TMEM132D: variants seen among roughly 807,000 people sequenced by gnomAD.
TMEM132D encodes transmembrane protein 132D.
In TMEM132D, 21 loss-of-function variants were observed where a neutral mutation model predicts 62.3. The observed-to-expected ratio is 0.34, with a 90% confidence interval of 0.24 to 0.49. The LOEUF (loss-of-function observed/expected upper bound fraction) is 0.49. TMEM132D is among the 20% of genes least tolerant of loss of function. The pLI, the probability that TMEM132D is intolerant of heterozygous loss-of-function variation, is 0.99. For synonymous variants in TMEM132D, 621 were observed against 575.6 expected, an observed-to-expected ratio of 1.08 and a Z score of -1.13; for missense variants, 1,346 against 1,402.8, an observed-to-expected ratio of 0.96 and a Z score of 0.65.
intron 1 of TMEM132D, among the ~76,000 whole-genome samples, chr12:129,902,042 C>T (rs930689801): frequency 1.3e-5 from 2 of 152,126 alleles, no homozygotes; most frequent in African/African-American, 2.4e-5. Flanking sequence ...AATTAGGAAA[C>T]GTGAGCCCAT....
intron 5 of TMEM132D, chr12:129,209,077 C>T (rs1878945535): frequency 6.2e-6 from 1 of 160,490 alleles, no homozygotes; most frequent in Non-Finnish European, 1.4e-5. Flanking sequence ...AGTAGTTGTA[C>T]ACCTTATACC....
chr12:129,549,371 A>C (rs1174540169), intron 2 of TMEM132D, among the ~76,000 whole-genome samples: 25 of 139,774 alleles, frequency 1.8e-4, no homozygotes, highest in East Asian at 1.1e-3. Context: ...TATAATTTCC[A>C]CGTGTTGTGG....
At chr12:129,203,752 AG>A in intron 5 of TMEM132D, among the ~76,000 whole-genome samples, 1 of 152,254 alleles carries the variant, frequency 6.6e-6, no homozygotes, top group South Asian at 2.1e-4. Context: ...CTCTAAGGAC[AG>A]GCGGGCACAA....
intron 4 of TMEM132D, among the ~76,000 whole-genome samples, chr12:129,237,414 C>G (rs1204561755): frequency 6.6e-6 from 1 of 152,048 alleles, no homozygotes; most frequent in African/African-American, 2.4e-5. Flanking sequence ...TGCTTTATTC[C>G]ATAAATTTAG....
At chr12:129,506,288 G>A (rs1875328490) in intron 3 of TMEM132D, among the ~76,000 whole-genome samples, 1 of 152,072 alleles carries the variant, frequency 6.6e-6, no homozygotes, top group African/African-American at 2.4e-5. Context: ...ATTGCCAAAA[G>A]CAATTTACAA....
intron 2 of TMEM132D, among the ~76,000 whole-genome samples, chr12:129,632,748 C>T (rs771635723): frequency 5.9e-5 from 9 of 152,208 alleles, no homozygotes; most frequent in South Asian, 2.1e-4. Flanking sequence ...GCTCCCTCTC[C>T]GCATCATCCC....
chr12:129,456,482 G>A lies in TMEM132D; in HGVS notation c.1115+74577C>T, dbSNP rs772010184. Among the ~76,000 whole-genome samples the A allele has an allele frequency of 7.2e-5, 11 of 152,170 alleles. No individual in the cohort carries two copies. The South Asian group carries it at 8.3e-4, about 12-fold the overall frequency. On this transcript the variant is annotated intron_variant, in intron 3 of 8. Coordinates refer to ENST00000422113, the MANE Select transcript of TMEM132D (RefSeq NM_133448.3). ...CAAATATCTTCACTTCTTTCTTACC[G>A]CTGACTTCCCAGTGTCTGCCAGATT...
intron 2 of TMEM132D, among the ~76,000 whole-genome samples, chr12:129,614,525 C>A (rs1252292061): frequency 6.6e-6 from 1 of 152,238 alleles, no homozygotes; most frequent in South Asian, 2.1e-4. Flanking sequence ...TCAAACAGTT[C>A]TGTCTGGAGT....
At chr12:129,456,669 C>A (rs1317847230) in intron 3 of TMEM132D, among the ~76,000 whole-genome samples, 1 of 152,102 alleles carries the variant, frequency 6.6e-6, no homozygotes, top group East Asian at 1.9e-4. Flanking sequence ...CATCTGCTCT[C>A]TTTTACCCAT....
chr12:129,461,110 G>T (rs1187515320), intron 3 of TMEM132D, among the ~76,000 whole-genome samples: 2 of 152,142 alleles, frequency 1.3e-5, no homozygotes, highest in Admixed American at 6.6e-5. Flanking sequence ...GGTTGAGGGT[G>T]GTGGGGACCA....
rs1200686717 is a variant in TMEM132D, at chr12:129,081,966, G to T, written c.1716C>A (p.Tyr572Ter). 6.2e-7 allele frequency: 1 copy of T among 1,613,904 alleles called. No individual in the cohort carries two copies. Among genetic ancestry groups the T allele is most frequent in the Non-Finnish European group, 8.5e-7 (1 of 1,180,026 alleles). The change falls in exon 7 of 9, where the codon TAC becomes TAA. Residue 572 changes from tyrosine to a stop codon, truncating the protein, a stop_gained. Coordinates refer to ENST00000422113, the MANE Select transcript of TMEM132D (RefSeq NM_133448.3). LOFTEE classifies it high-confidence loss of function. The part of the protein sequence containing the change: ...ERRGRGCTLQ[Y>*]QHAMVRVLTQ... Reference sequence around the variant, plus strand: ...TCAGGACCCGCACCATGGCGTGCTGGTACTGCAGGGTGCAGCCGCGGCCCC... The same window carrying T: ...TCAGGACCCGCACCATGGCGTGCTGTTACTGCAGGGTGCAGCCGCGGCCCC...
intron 5 of TMEM132D, among the ~76,000 whole-genome samples, chr12:129,097,826 C>T (rs982151208): frequency 2.0e-5 from 3 of 152,218 alleles, no homozygotes; most frequent in Non-Finnish European, 4.4e-5. Flanking sequence ...ATGTCAAAAA[C>T]ACATATTTTT....
At chr12:129,889,283 C>T (rs1593200060) in intron 1 of TMEM132D, among the ~76,000 whole-genome samples, 1 of 152,138 alleles carries the variant, frequency 6.6e-6, no homozygotes, top group Non-Finnish European at 1.5e-5. Flanking sequence ...CTACGTTCCC[C>T]AGTCCTCTCT....
intron 1 of TMEM132D, among the ~76,000 whole-genome samples, chr12:129,748,163 A>G (rs1191589222): frequency 1.3e-5 from 2 of 152,244 alleles, no homozygotes; most frequent in Non-Finnish European, 2.9e-5. Flanking sequence ...ACCTTGGCAT[A>G]GAAGCAACAA....
chr12:129,862,790 A>C (rs1401150401), intron 1 of TMEM132D, among the ~76,000 whole-genome samples: 1 of 152,170 alleles, frequency 6.6e-6, no homozygotes, highest in African/African-American at 2.4e-5. Context: ...CCATTGTAAT[A>C]AAATAAAAAC....
chr12:129,107,108 A>G (rs1039513538), intron 5 of TMEM132D, among the ~76,000 whole-genome samples: 1 of 152,212 alleles, frequency 6.6e-6, no homozygotes. Context: ...GAGGTGATGA[A>G]TGAATGGATA....
rs546654923 is a variant in TMEM132D, at chr12:129,785,021, A to C, written c.80-84323T>G. On this transcript the variant is annotated intron_variant, in intron 1 of 8. Transcript: ENST00000422113. ...TGTTTCTTTAGGCCCACTCAGTGGC[A>C]CGTTTATTTTCGTTGCCATCGACAT... is the stretch of plus-strand genomic sequence containing the variant. Among the ~76,000 whole-genome samples the C allele has an allele frequency of 5.3e-5, 8 of 152,328 alleles. No homozygotes were observed. The East Asian group carries it at 1.5e-3, about 29-fold the overall frequency.
chr12:129,311,744 T>C (rs939186177), intron 4 of TMEM132D, among the ~76,000 whole-genome samples: 3 of 152,196 alleles, frequency 2.0e-5, no homozygotes, highest in African/African-American at 7.2e-5. Context: ...TGACTGGCTG[T>C]GAGGCATGCT....
chr12:129,245,658 G>A (rs1880080857), intron 4 of TMEM132D, among the ~76,000 whole-genome samples: 1 of 151,824 alleles, frequency 6.6e-6, no homozygotes, highest in African/African-American at 2.4e-5. Flanking sequence ...GGGTTGTGAT[G>A]TGTTTGTAAA....
Sources: allele counts gnomAD v4.1 joint callset (sites outside exome capture counted in the v4.1 genomes callset), GRCh38; gene constraint gnomAD v4.1.1; transcripts MANE v1.5; gene names NCBI Gene and HGNC (gene_info 2026-07-23, HGNC 2026-07-21).